The following ZNF350 variants were observed in gnomAD, a reference collection of about 807,000 sequenced individuals.
The protein encoded by ZNF350 is KRAB zinc finger protein ZFQR.
A neutral mutation model predicts 13.1 loss-of-function variants in ZNF350; 5 were observed. The observed-to-expected ratio is 0.38, with a 90% CI of 0.20 to 0.80. ZNF350 has a LOEUF of 0.80. Among genes scored for constraint, ZNF350 ranks in the 30% least tolerant of loss-of-function variants. The pLI is 0.43. For missense variants in ZNF350, 534 were observed against 644.2 expected (o/e 0.83, Z 1.85); for synonymous variants, 199 against 224.2 (o/e 0.89, Z 1.00).
In ZNF350 at chr19:51,964,615, C is replaced by G. The variant is rs1032444757; in HGVS notation, c.*239G>C. 1.9e-6 allele frequency: 1 copy of G among 519,690 alleles called. No individual in the cohort carries two copies. The highest frequency in any genetic ancestry group is 3.4e-6 in the Non-Finnish European group (1 of 296,606). The allele number at this position is 519,690 out of a possible 1,614,324, so 32.2% of individuals were successfully genotyped here. A position where few individuals can be genotyped will look rare whatever the true frequency, so the allele number is the denominator to read the frequency against. On this transcript the variant is annotated 3_prime_UTR_variant, in exon 5 of 5. Coordinates refer to ENST00000243644, the MANE Select transcript of ZNF350 (RefSeq NM_021632.4). Reference sequence around the variant, plus strand: ...TTTAAAAATTCACAGTACTTCATTTCCTCCACTTAAAAGTACTTGGGCTTC... The same window carrying G: ...TTTAAAAATTCACAGTACTTCATTTGCTCCACTTAAAAGTACTTGGGCTTC...
At chr19:51,972,824 A>G (rs1214975406) in intron 2 of ZNF350, 2 of 152,050 alleles carry the variant, frequency 1.3e-5, no homozygotes, top group East Asian at 1.9e-4. Flanking sequence ...CTTTTCTTCA[A>G]TTTTACTAAA....
chr19:51,974,221 T>C (rs1484884821), intron 2 of ZNF350, 125 bp downstream of exon 2: 1 of 1,026,918 alleles, frequency 9.7e-7, no homozygotes, highest in Non-Finnish European at 1.4e-6. Context: ...AAACTAAGCT[T>C]ACTTCTCTCC....
chr19:51,976,564 C>CAGATATAAGGTCAGT lies in ZNF350; in HGVS notation c.-171-2048_-171-2034dup, dbSNP rs1199787114. ...GACCCTGGGAAGAGTCTGCCGGCAG[C>CAGATATAAGGTCAGT]AGATATAAGGTCAGTGCCCTAAAGA... On this transcript the variant is annotated intron_variant, in intron 1 of 4. Transcript: ENST00000243644. The surrounding 1 kb of genome is among the most constrained non-coding windows in gnomAD (Gnocchi z 4.5). 2 of 152,280 alleles carry CAGATATAAGGTCAGT rather than the reference C, an allele frequency of 1.3e-5. No homozygotes were observed. The highest frequency in any genetic ancestry group is 4.8e-5 in the African/African-American group (2 of 41,408). 9.4% of individuals were successfully genotyped at this position (152,280 alleles called of 1,614,324 possible).
chr19:51,968,574 T>C lies in ZNF350; in HGVS notation c.238+4A>G. ...ATAGCCTTCTGTCTTGTGGGTTCTC[T>C]CACCTGAACAGGCTCCACTGTGGAT... On this transcript the variant is annotated splice_donor_region_variant and intron_variant, in intron 4 of 4. Transcript: ENST00000243644. 2 of 1,613,810 alleles carry C rather than the reference T, an allele frequency of 1.2e-6. No homozygotes were observed. The highest frequency in any genetic ancestry group is 1.3e-5 in the African/African-American group (1 of 75,034).
intron 2 of ZNF350, among the ~76,000 whole-genome samples, chr19:51,969,631 A>C (rs2085678893): frequency 6.6e-6 from 1 of 152,058 alleles, no homozygotes; most frequent in Admixed American, 6.5e-5. Context: ...CAGGAGTTCA[A>C]GACCAGCCTG....
intron 1 of ZNF350, among the ~76,000 whole-genome samples, chr19:51,982,795 C>T (rs1349882249): frequency 6.6e-6 from 1 of 152,066 alleles, no homozygotes; most frequent in Non-Finnish European, 1.5e-5. Context: ...GCAAATAGGA[C>T]AAAGGAACAG....
chr19:51,970,396 A>C (rs1369404413), intron 2 of ZNF350, among the ~76,000 whole-genome samples: 1 of 152,106 alleles, frequency 6.6e-6, no homozygotes, highest in African/African-American at 2.4e-5. Flanking sequence ...GATTACTTAT[A>C]ATATCTAATA....
intron 2 of ZNF350, 21 bp from the exon 3 acceptor site, chr19:51,969,152 A>G: frequency 1.2e-6 from 2 of 1,607,438 alleles, no homozygotes; most frequent in Non-Finnish European, 1.7e-6. Context: ...AGTCCTGTTT[A>G]ATAAAGTGAT....
chr19:51,983,800 G>A (rs1423067503), intron 1 of ZNF350, among the ~76,000 whole-genome samples: 1 of 152,126 alleles, frequency 6.6e-6, no homozygotes, highest in Non-Finnish European at 1.5e-5. Context: ...ACCAGTGCCG[G>A]TGTGGGTCCC....
intron 1 of ZNF350, among the ~76,000 whole-genome samples, chr19:51,977,543 A>C (rs1456147222): frequency 1.3e-5 from 2 of 152,214 alleles, no homozygotes; most frequent in Admixed American, 1.3e-4. Flanking sequence ...GATGCTGCTT[A>C]TCAGCAGTGT....
chr19:51,964,599 T>C lies in ZNF350; in HGVS notation c.*255A>G. On this transcript the variant is annotated 3_prime_UTR_variant, in exon 5 of 5. Coordinates refer to ENST00000243644, the MANE Select transcript of ZNF350 (RefSeq NM_021632.4). The stretch of plus-strand genomic sequence containing the variant: ...CAATTATCTCATCTGTTTTAAAAAT[T>C]CACAGTACTTCATTTCCTCCACTTA... The C allele has an allele frequency of 2.0e-6, 1 of 501,194 alleles. No individual in the cohort carries two copies. Among genetic ancestry groups the C allele is most frequent in the East Asian group, 3.3e-5 (1 of 30,426 alleles). 31.0% of individuals were successfully genotyped at this position (501,194 alleles called of 1,614,324 possible).
At position 51,969,149 on chromosome 19, in the gene ZNF350, T is replaced by C; in HGVS notation, c.16-18A>G. 6.2e-7 allele frequency: 1 copy of C among 1,608,388 alleles called. No individual in the cohort carries two copies. The highest frequency in any genetic ancestry group is 1.1e-5 in the South Asian group (1 of 90,780). On this transcript the variant is annotated intron_variant, in intron 2 of 4. Coordinates refer to ENST00000243644, the MANE Select transcript of ZNF350 (RefSeq NM_021632.4). ...ATGGATTCCTGTAATAACAGTCCTG[T>C]TTAATAAAGTGATGTCTTTTTGATG...
At chr19:51,980,021 C>A (rs758832621) in intron 1 of ZNF350, among the ~76,000 whole-genome samples, 6 of 152,182 alleles carry the variant, frequency 3.9e-5, no homozygotes, top group Non-Finnish European at 7.3e-5. Flanking sequence ...GGAACACTGT[C>A]TAATAATAGC....
Position 51,965,484 on chromosome 19 carries a change from A to G in ZNF350, c.969T>C (p.Cys323=), listed in dbSNP as rs1283759743. Residue 323 remains cysteine (C), a synonymous_variant, in exon 5 of 5, where the codon TGT becomes TGC. Coordinates refer to ENST00000243644, the MANE Select transcript of ZNF350 (RefSeq NM_021632.4). ...TGEKPYICNE[C]GKGFIQKTCL... The stretch of plus-strand genomic sequence containing the variant: ...ACGTCTTCTGAATGAAGCCTTTTCC[A>G]CATTCATTGCATATATAAGGTTTCT... The G allele has an allele frequency of 6.2e-7, 1 of 1,613,972 alleles. No individual in the cohort carries two copies.
At position 51,968,775 on chromosome 19, in the gene ZNF350, AC is replaced by A. The variant is rs1599930977; in HGVS notation, c.143-103del. The stretch of plus-strand genomic sequence containing the variant: ...TCAAGAAACTTGAGTTTCTTAAAAT[AC>A]CCAAAATTTAGTTTCTTATCTGAAA... On this transcript the variant is annotated intron_variant, in intron 3 of 4. Transcript: ENST00000243644. 18 of 1,441,922 alleles carry A rather than the reference AC, an allele frequency of 1.2e-5. No individual in the cohort carries two copies. The East Asian group carries it at 4.1e-4, about 33-fold the overall frequency. The allele number at this position is 1,441,922 out of a possible 1,614,324, so 89.3% of individuals were successfully genotyped here. A position where few individuals can be genotyped will look rare whatever the true frequency, so the allele number is the denominator to read the frequency against.
At chr19:51,980,524 G>A (rs1441058347) in intron 1 of ZNF350, among the ~76,000 whole-genome samples, 4 of 152,234 alleles carry the variant, frequency 2.6e-5, no homozygotes, top group African/African-American at 7.2e-5. Context: ...AATTAACACT[G>A]AGTTACAAAC....
At chr19:51,971,200 G>A (rs1196077481) in intron 2 of ZNF350, among the ~76,000 whole-genome samples, 3 of 152,232 alleles carry the variant, frequency 2.0e-5, no homozygotes, top group Non-Finnish European at 4.4e-5. Context: ...ACAGAGGCCA[G>A]TGAACACACT....
At chr19:51,969,241 A>AT in intron 2 of ZNF350, 110 bp from the exon 3 acceptor site, 1 of 1,328,682 alleles carries the variant, frequency 7.5e-7, no homozygotes, top group South Asian at 1.5e-5. Flanking sequence ...TATACCAAAT[A>AT]GTTTTTTTTT....
At chr19:51,977,643 C>T (rs2085930958) in intron 1 of ZNF350, among the ~76,000 whole-genome samples, 1 of 152,218 alleles carries the variant, frequency 6.6e-6, no homozygotes, top group African/African-American at 2.4e-5. Flanking sequence ...GTTGCAGGAA[C>T]CCTATGCACA....
Sources: allele counts gnomAD v4.1 joint callset (sites outside exome capture counted in the v4.1 genomes callset), GRCh38; gene constraint gnomAD v4.1.1; non-coding constraint Gnocchi (gnomAD v3.1); transcripts MANE v1.5; gene names NCBI Gene and HGNC (gene_info 2026-07-23, HGNC 2026-07-21).